RNF182: variants seen among roughly 807,000 people sequenced by gnomAD.
RNF182 encodes ring finger protein 182.
RNF182 carries 15 observed loss-of-function variants against 14.4 expected under a neutral mutation model. That is an observed-to-expected ratio of 1.04 (90% CI 0.70 to 1.60). RNF182 has a LOEUF of 1.60. Among genes scored for constraint, RNF182 ranks in the 40% most tolerant of loss-of-function variants. RNF182 has a pLI of 0.00. For missense variants in RNF182, 268 were observed against 294.8 expected, an observed-to-expected ratio of 0.91 and a Z score of 0.67; for synonymous variants, 128 against 122.9, an observed-to-expected ratio of 1.04 and a Z score of -0.27.
intron 1 of RNF182, among the ~76,000 whole-genome samples, chr6:13,973,345 G>A (rs1760242600): frequency 6.6e-6 from 1 of 152,178 alleles, no homozygotes; most frequent in Admixed American, 6.5e-5. Flanking sequence ...GTTGAAATGA[G>A]TTAAGACATT....
At chr6:13,976,834 T>C (rs1465583167) in intron 2 of RNF182, 75 bp from the exon 3 acceptor site, 4 of 355,636 alleles carry the variant, frequency 1.1e-5, no homozygotes, top group Non-Finnish European at 2.0e-5. Flanking sequence ...GCTCAGAAAA[T>C]TCCATAAAGC....
At chr6:13,932,224 C>T (rs1758990262) in intron 1 of RNF182, among the ~76,000 whole-genome samples, 1 of 152,092 alleles carries the variant, frequency 6.6e-6, no homozygotes, top group South Asian at 2.1e-4. Flanking sequence ...TTCTAATGTA[C>T]TTAATTATTA....
At chr6:13,959,608 G>T (rs760916148) in intron 1 of RNF182, among the ~76,000 whole-genome samples, 1 of 152,200 alleles carries the variant, frequency 6.6e-6, no homozygotes, top group Non-Finnish European at 1.5e-5. Context: ...TGGAAGATTG[G>T]AAACATACTT....
At chr6:13,941,368 C>A (rs983265637) in intron 1 of RNF182, among the ~76,000 whole-genome samples, 1 of 152,086 alleles carries the variant, frequency 6.6e-6, no homozygotes, top group African/African-American at 2.4e-5. Context: ...TACCAACTCT[C>A]CTTTGTTAGT....
At chr6:13,930,244 T>C (rs1366112273) in intron 1 of RNF182, among the ~76,000 whole-genome samples, 1 of 152,240 alleles carries the variant, frequency 6.6e-6, no homozygotes, top group East Asian at 1.9e-4. Flanking sequence ...CATGGCAGGA[T>C]GTACATAGGT....
intron 1 of RNF182, among the ~76,000 whole-genome samples, chr6:13,957,891 T>C (rs1759768579): frequency 6.6e-6 from 1 of 152,238 alleles, no homozygotes; most frequent in African/African-American, 2.4e-5. Context: ...TTTTATTCTC[T>C]GAATTGTATT....
At chr6:13,930,349 T>C (rs979157735) in intron 1 of RNF182, among the ~76,000 whole-genome samples, 7 of 152,222 alleles carry the variant, frequency 4.6e-5, no homozygotes, top group Non-Finnish European at 1.5e-5. Flanking sequence ...CCTGCAGATA[T>C]TGAGGGGTGA....
rs925444923 is a variant in RNF182 at position 13,948,719 on chromosome 6, A to G, written c.-367+23696A>G. On this transcript the variant is annotated intron_variant, in intron 1 of 2. Transcript: ENST00000488300. ...AAGGTGTAAAACACTTTATGTTATA[A>G]AATAGAATCTCAGGTCACTGTAAGT... Among the ~76,000 whole-genome samples, 3 of 152,220 alleles carry G rather than the reference A, an allele frequency of 2.0e-5. No individual in the cohort carries two copies. The East Asian group carries it at 5.8e-4, about 29-fold the overall frequency.
At chr6:13,975,029 C>A (rs576202755) in intron 2 of RNF182, among the ~76,000 whole-genome samples, 1 of 152,268 alleles carries the variant, frequency 6.6e-6, no homozygotes, top group South Asian at 2.1e-4. Context: ...GGGCTGAAGT[C>A]TGTGTGTGGC....
At chr6:13,948,347 A>G (rs1759489937) in intron 1 of RNF182, among the ~76,000 whole-genome samples, 1 of 152,198 alleles carries the variant, frequency 6.6e-6, no homozygotes, top group Non-Finnish European at 1.5e-5. Flanking sequence ...ACAGTCAGAG[A>G]CACAATTGAC....
chr6:13,976,686 T>G (rs1408508365), intron 2 of RNF182, among the ~76,000 whole-genome samples: 1 of 152,250 alleles, frequency 6.6e-6, no homozygotes, highest in African/African-American at 2.4e-5. Flanking sequence ...ATTAGGATTC[T>G]TAACTCTTTC....
At chr6:13,954,149 T>C (rs1455143623) in intron 1 of RNF182, among the ~76,000 whole-genome samples, 2 of 152,130 alleles carry the variant, frequency 1.3e-5, no homozygotes, top group Admixed American at 1.3e-4. Context: ...CCCCTCCCCA[T>C]TGGATTATTT....
chr6:13,948,312 G>T (rs1379544968), intron 1 of RNF182, among the ~76,000 whole-genome samples: 1 of 152,140 alleles, frequency 6.6e-6, no homozygotes, highest in Non-Finnish European at 1.5e-5. Context: ...ATTGCTTGTA[G>T]ATGACAAAAA....
chr6:13,973,319 G>T (rs2113648500), intron 1 of RNF182, among the ~76,000 whole-genome samples: 1 of 152,254 alleles, frequency 6.6e-6, no homozygotes, highest in South Asian at 2.1e-4. Flanking sequence ...TTTGGACTAT[G>T]GACTTTTGAG....
intron 1 of RNF182, among the ~76,000 whole-genome samples, chr6:13,964,843 T>C (rs1197458590): frequency 6.6e-6 from 1 of 152,228 alleles, no homozygotes; most frequent in East Asian, 1.9e-4. Context: ...AAATCCATAG[T>C]TGGGTGCGTC....
At chr6:13,933,264 G>A (rs1278838431) in intron 1 of RNF182, among the ~76,000 whole-genome samples, 1 of 152,142 alleles carries the variant, frequency 6.6e-6, no homozygotes, top group Non-Finnish European at 1.5e-5. Context: ...CCAGGTGCGT[G>A]TCTCACACCT....
At chr6:13,965,729 C>A (rs1256327380) in intron 1 of RNF182, among the ~76,000 whole-genome samples, 1 of 152,198 alleles carries the variant, frequency 6.6e-6, no homozygotes, top group Non-Finnish European at 1.5e-5. Context: ...GCTCACCACA[C>A]AGAAAGCCAA....
chr6:13,946,231 A>G (rs866480120), intron 1 of RNF182, among the ~76,000 whole-genome samples: 3 of 151,296 alleles, frequency 2.0e-5, no homozygotes, highest in Middle Eastern at 3.2e-3. Context: ...CAGTGGCACA[A>G]TCTCAGCTCA....
chr6:13,967,409 T>C (rs957212803), intron 1 of RNF182, among the ~76,000 whole-genome samples: 4 of 152,178 alleles, frequency 2.6e-5, no homozygotes, highest in African/African-American at 9.6e-5. Flanking sequence ...AATGCAAATA[T>C]AGTTATAGTG....
Sources: gnomAD v4.1 joint callset for allele counts (sites outside exome capture counted in the v4.1 genomes callset) on GRCh38, gnomAD v4.1.1 for gene constraint, MANE v1.5 for transcripts, NCBI Gene and HGNC (gene_info 2026-07-23, HGNC 2026-07-21) for gene names.